The following FRMD4A variants were observed in gnomAD, a reference collection of about 807,000 sequenced individuals.
The protein encoded by FRMD4A is FERM domain-containing protein 4A.
Under a neutral mutation model 129.1 loss-of-function variants are expected in FRMD4A, and 29 were observed. The observed-to-expected ratio is 0.22, with a 90% CI of 0.17 to 0.31. FRMD4A has a LOEUF of 0.31. FRMD4A is among the 10% of genes least tolerant of loss of function. The probability of loss-of-function intolerance (pLI) is 1.00; values close to 1 mark genes in which losing one functional copy is unlikely to be tolerated. For synonymous variants in FRMD4A, 634 were observed against 571.6 expected (o/e 1.11, Z -1.56); for missense variants, 1,272 against 1,375.8 (o/e 0.92, Z 1.19).
chr10:14,156,649 A>T (rs895657309), intron 2 of FRMD4A, among the ~76,000 whole-genome samples: 1 of 152,168 alleles, frequency 6.6e-6, no homozygotes, highest in African/African-American at 2.4e-5. Flanking sequence ...ACGTGGGTTT[A>T]TACCCTTCGT....
At chr10:13,927,655 A>T (rs1024596069) in intron 2 of FRMD4A, among the ~76,000 whole-genome samples, 23 of 152,234 alleles carry the variant, frequency 1.5e-4, no homozygotes, top group Non-Finnish European at 1.5e-5. Flanking sequence ...CTCTTCCACA[A>T]GTGATGCTAG....
intron 2 of FRMD4A, among the ~76,000 whole-genome samples, chr10:13,917,793 A>G (rs1463319257): frequency 6.6e-6 from 1 of 152,192 alleles, no homozygotes; most frequent in East Asian, 1.9e-4. Flanking sequence ...CAAAGGGGAC[A>G]GGAAATCTGA....
rs2095243363 is a variant in FRMD4A at position 13,935,667 on chromosome 10, C to T, written c.46-76755G>A. ...GCAAGGCCAGAAAGCAGGGAACAGC[C>T]TCTAGGAGCCCTTTTTTCAGCACCT... On this transcript the variant is annotated intron_variant, in intron 2 of 24. Transcript: ENST00000357447. Among the ~76,000 whole-genome samples the T allele has an allele frequency of 2.0e-5, 3 of 152,018 alleles. No individual in the cohort carries two copies. The South Asian group carries it at 6.2e-4, about 32-fold the overall frequency.
At chr10:14,050,364 C>T (rs1834199456) in intron 2 of FRMD4A, among the ~76,000 whole-genome samples, 1 of 152,134 alleles carries the variant, frequency 6.6e-6, no homozygotes, top group East Asian at 1.9e-4. Flanking sequence ...AAAACTGAGG[C>T]TTAGAGCTGG....
chr10:13,769,262 CGT>C (rs1289271058), intron 6 of FRMD4A, among the ~76,000 whole-genome samples: 3 of 148,580 alleles, frequency 2.0e-5, no homozygotes, highest in Non-Finnish European at 4.5e-5. Flanking sequence ...TACTGGTCAC[CGT>C]GTCTGTGGTG....
chr10:13,882,254 A>G (rs1449642865), intron 2 of FRMD4A, among the ~76,000 whole-genome samples: 1 of 152,120 alleles, frequency 6.6e-6, no homozygotes, highest in Non-Finnish European at 1.5e-5. Context: ...TGACAATGGC[A>G]GTCAGCACCT....
chr10:14,007,105 T>G (rs1201384212), intron 2 of FRMD4A: 1 of 152,150 alleles, frequency 6.6e-6, no homozygotes, highest in African/African-American at 2.4e-5. Flanking sequence ...GTCACTTGAA[T>G]TCAGTTCTGA....
intron 2 of FRMD4A, among the ~76,000 whole-genome samples, chr10:13,863,258 T>C (rs1033470774): frequency 3.3e-5 from 5 of 152,224 alleles, no homozygotes; most frequent in African/African-American, 1.2e-4. Flanking sequence ...TTTATGATAC[T>C]AGCTTCAGTG....
At chr10:13,943,646 CAAAAAAAAAAAAAAAAAAA>C (rs55774636) in intron 2 of FRMD4A, among the ~76,000 whole-genome samples, 4 of 58,266 alleles carry the variant, frequency 6.9e-5, no homozygotes, top group East Asian at 8.3e-4. Context: ...GACTCTGTCT[CAAAAAAAAAAAAAAAAAAA>C]AAAAAAAAAA....
At chr10:13,970,830 CTT>C (rs970913339) in intron 2 of FRMD4A, among the ~76,000 whole-genome samples, 5 of 152,204 alleles carry the variant, frequency 3.3e-5, no homozygotes, top group African/African-American at 1.2e-4. Flanking sequence ...AGAAAGCACT[CTT>C]GTCTCCCCTT....
At chr10:14,210,119 G>A (rs1842895483) in intron 2 of FRMD4A, among the ~76,000 whole-genome samples, 1 of 152,228 alleles carries the variant, frequency 6.6e-6, no homozygotes, top group South Asian at 2.1e-4. Flanking sequence ...GTGCCAGCCT[G>A]CTATAGCCTG....
chr10:13,951,305 T>A (rs1443317196), intron 2 of FRMD4A, among the ~76,000 whole-genome samples: 1 of 152,026 alleles, frequency 6.6e-6, no homozygotes, highest in East Asian at 1.9e-4. Context: ...TTGCACCTGA[T>A]GGCTAGTAGG....
intron 2 of FRMD4A, among the ~76,000 whole-genome samples, chr10:13,926,025 A>G (rs769255515): frequency 2.0e-5 from 3 of 151,658 alleles, no homozygotes; most frequent in Admixed American, 6.6e-5. Flanking sequence ...TATTTCTCCT[A>G]TTAGGCGTCT....
At chr10:14,151,051 C>T (rs1229106748) in intron 2 of FRMD4A, among the ~76,000 whole-genome samples, 2 of 152,156 alleles carry the variant, frequency 1.3e-5, no homozygotes, top group East Asian at 1.9e-4. Flanking sequence ...AATTCCTTGA[C>T]TTCTTGATTC....
intron 2 of FRMD4A, among the ~76,000 whole-genome samples, chr10:14,304,420 A>G (rs1408532921): frequency 1.3e-5 from 2 of 152,194 alleles, no homozygotes; most frequent in African/African-American, 2.4e-5. Flanking sequence ...TTTGGTGGAA[A>G]TGGAAACATC....
At chr10:14,187,685 G>A (rs530622869) in intron 2 of FRMD4A, among the ~76,000 whole-genome samples, 1 of 152,332 alleles carries the variant, frequency 6.6e-6, no homozygotes, top group East Asian at 1.9e-4. Flanking sequence ...GGAGGCTGGG[G>A]TGGGAGGATC....
At chr10:13,701,505 A>C in intron 13 of FRMD4A, 27 bp from the exon 14 acceptor site, 1 of 1,604,698 alleles carries the variant, frequency 6.2e-7, no homozygotes, top group South Asian at 1.1e-5. Flanking sequence ...CACAAGGTTC[A>C]ATCCCATTTC....
At chr10:14,297,639 G>A (rs1303587832) in intron 2 of FRMD4A, among the ~76,000 whole-genome samples, 3 of 152,168 alleles carry the variant, frequency 2.0e-5, no homozygotes. Flanking sequence ...TCCTGCATGT[G>A]TTTAATAAGC....
At chr10:14,111,193 C>T (rs191029940) in intron 2 of FRMD4A, among the ~76,000 whole-genome samples, 21 of 152,286 alleles carry the variant, frequency 1.4e-4, no homozygotes, top group Non-Finnish European at 2.6e-4. Context: ...TCTGTCTCTG[C>T]GAATTTGACT....
Sources: allele counts gnomAD v4.1 joint callset (sites outside exome capture counted in the v4.1 genomes callset), GRCh38; gene constraint gnomAD v4.1.1; transcripts MANE v1.5; gene names NCBI Gene and HGNC (gene_info 2026-07-23, HGNC 2026-07-21).